MMP16: variants seen among roughly 807,000 people sequenced by gnomAD.
MMP16 encodes the protein matrix metalloproteinase-16.
Under a neutral mutation model 67.8 loss-of-function variants are expected in MMP16, and 12 were observed. The ratio of observed to expected loss-of-function variants is 0.18; its 90% CI spans 0.11 to 0.29. The LOEUF (loss-of-function observed/expected upper bound fraction) is 0.29. MMP16 is among the 10% of genes least tolerant of loss of function. MMP16 has a pLI of 1.00. For missense variants in MMP16, 475 were observed against 765.7 expected, an observed-to-expected ratio of 0.62 and a Z score of 4.48; for synonymous variants, 249 against 255.9, an observed-to-expected ratio of 0.97 and a Z score of 0.26.
chr8:88,202,904 C>G (rs978106120), intron 1 of MMP16, among the ~76,000 whole-genome samples: 1 of 152,004 alleles, frequency 6.6e-6, no homozygotes, highest in Non-Finnish European at 1.5e-5. Context: ...AAATGCTGAA[C>G]AATGCACCAG....
At chr8:88,114,196 C>G (rs777517883) in intron 6 of MMP16, among the ~76,000 whole-genome samples, 1 of 151,842 alleles carries the variant, frequency 6.6e-6, no homozygotes, top group Non-Finnish European at 1.5e-5. Flanking sequence ...ATCATTCAAT[C>G]ATGCTTTCTT....
chr8:88,243,989 G>C (rs370586902), intron 1 of MMP16, among the ~76,000 whole-genome samples: 2 of 151,948 alleles, frequency 1.3e-5, no homozygotes, highest in South Asian at 4.1e-4. Flanking sequence ...AGGTAAATCA[G>C]TTACTGGAAT....
chr8:88,176,975 A>G (rs2129727526), intron 3 of MMP16, among the ~76,000 whole-genome samples: 1 of 152,332 alleles, frequency 6.6e-6, no homozygotes. Context: ...ATTTTGTGGA[A>G]AAGTCAAACT....
chr8:88,285,348 C>A (rs1810811099), intron 1 of MMP16, among the ~76,000 whole-genome samples: 1 of 152,132 alleles, frequency 6.6e-6, no homozygotes, highest in South Asian at 2.1e-4. Flanking sequence ...CCAGGTTGGC[C>A]AGGCTGGTCT....
intron 1 of MMP16, among the ~76,000 whole-genome samples, chr8:88,211,352 C>T (rs1486922756): frequency 1.3e-5 from 2 of 152,076 alleles, no homozygotes; most frequent in Non-Finnish European, 2.9e-5. Context: ...CATTGTAATC[C>T]CATTTAATTT....
At chr8:88,062,944 G>C (rs1273569698) in intron 7 of MMP16, among the ~76,000 whole-genome samples, 2 of 152,032 alleles carry the variant, frequency 1.3e-5, no homozygotes, top group African/African-American at 2.4e-5. Context: ...CCTACCATCA[G>C]ACAGTCTGGG....
chr8:88,158,688 T>G (rs1156292184), intron 4 of MMP16, among the ~76,000 whole-genome samples: 49 of 152,210 alleles, frequency 3.2e-4, no homozygotes, highest in Admixed American at 3.1e-3. Flanking sequence ...CATTTGTCAA[T>G]TTTGGCTTTT....
chr8:88,320,301 T>C (rs758905142), intron 1 of MMP16, among the ~76,000 whole-genome samples: 2 of 152,210 alleles, frequency 1.3e-5, no homozygotes, highest in African/African-American at 4.8e-5. Context: ...AAATTGGATT[T>C]TTGCTACACA....
intron 1 of MMP16, among the ~76,000 whole-genome samples, chr8:88,269,508 A>G (rs1359403506): frequency 1.3e-5 from 2 of 152,210 alleles, no homozygotes; most frequent in Non-Finnish European, 2.9e-5. Flanking sequence ...TAGAAGCATA[A>G]AAATATGTTC....
chr8:88,285,657 T>C (rs947774017), intron 1 of MMP16, among the ~76,000 whole-genome samples: 2 of 152,158 alleles, frequency 1.3e-5, no homozygotes, highest in Non-Finnish European at 2.9e-5. Context: ...CTTGTCTCTA[T>C]TTATATATTT....
intron 4 of MMP16, among the ~76,000 whole-genome samples, chr8:88,149,305 G>T (rs1264978204): frequency 6.6e-6 from 1 of 152,332 alleles, no homozygotes; most frequent in East Asian, 1.9e-4. Flanking sequence ...CCATTGCCCA[G>T]GCTTGCTTAG....
At chr8:88,222,163 T>C (rs1809693410) in intron 1 of MMP16, among the ~76,000 whole-genome samples, 2 of 152,008 alleles carry the variant, frequency 1.3e-5, no homozygotes, top group South Asian at 4.2e-4. Flanking sequence ...AACAAGTGTG[T>C]AGATGACATG....
At chr8:88,080,961 C>A (rs1808740050) in intron 6 of MMP16, among the ~76,000 whole-genome samples, 2 of 152,040 alleles carry the variant, frequency 1.3e-5, no homozygotes, top group South Asian at 4.1e-4. Flanking sequence ...CGTGGTAGGC[C>A]TGCTTTGGTT....
intron 1 of MMP16, among the ~76,000 whole-genome samples, chr8:88,252,625 CA>C (rs960594633): frequency 4.9e-4 from 63 of 128,122 alleles, no homozygotes; most frequent in African/African-American, 1.7e-3. Flanking sequence ...ATTTCAGAAA[CA>C]GGGGTTTTCC....
chr8:88,211,892 AT>A (rs1320386932), intron 1 of MMP16, among the ~76,000 whole-genome samples: 1 of 152,180 alleles, frequency 6.6e-6, no homozygotes, highest in Non-Finnish European at 1.5e-5. Flanking sequence ...TTATCCTTGC[AT>A]TGAGTAAACT....
intron 1 of MMP16, among the ~76,000 whole-genome samples, chr8:88,230,535 C>CTT (rs3060800): frequency 7.0e-6 from 1 of 142,508 alleles, no homozygotes; most frequent in Non-Finnish European, 1.5e-5. Context: ...GATCAATTTT[C>CTT]TTTTTTTTTT....
chr8:88,089,599 A>C (rs192359398), intron 6 of MMP16, among the ~76,000 whole-genome samples: 7 of 152,132 alleles, frequency 4.6e-5, no homozygotes, highest in Admixed American at 4.6e-4. Flanking sequence ...GGGACTAAAA[A>C]GAAGAGGAAA....
At position 88,064,955 on chromosome 8, in the gene MMP16, G is replaced by A. The variant is rs189422611; in HGVS notation, c.1223-8677C>T. On this transcript the variant is annotated intron_variant, in intron 7 of 9. Coordinates refer to ENST00000286614, the MANE Select transcript of MMP16 (RefSeq NM_005941.5). ...AGAGAAAGAAACTATCATCAGCTGAGTGCCTTTGGGTCTGATGCATCAGTT... is the reference window on the plus strand; with the variant it reads ...AGAGAAAGAAACTATCATCAGCTGAATGCCTTTGGGTCTGATGCATCAGTT... 2.3e-3 allele frequency among the ~76,000 whole-genome samples: 343 copies of A among 152,162 alleles called. 1 individual carries two copies. Among genetic ancestry groups the A allele is most frequent in the Non-Finnish European group, 3.9e-3 (265 of 67,998 alleles).
chr8:88,165,178 T>TAA (rs11325157), intron 4 of MMP16, among the ~76,000 whole-genome samples: 10 of 95,224 alleles, frequency 1.1e-4, no homozygotes, highest in African/African-American at 1.2e-4. Context: ...ACCCCATCTC[T>TAA]AAAAAAAAAA....
Sources: allele counts gnomAD v4.1 joint callset (sites outside exome capture counted in the v4.1 genomes callset), GRCh38; gene constraint gnomAD v4.1.1; transcripts MANE v1.5; gene names NCBI Gene and HGNC (gene_info 2026-07-23, HGNC 2026-07-21).